AGO3: variants seen among roughly 807,000 people sequenced by gnomAD.
The protein encoded by AGO3 is protein argonaute-3.
AGO3 carries 16 observed loss-of-function variants against 105.5 expected under a neutral mutation model. That is an observed-to-expected ratio of 0.15 (90% confidence interval 0.10 to 0.23). The LOEUF (loss-of-function observed/expected upper bound fraction) is 0.23, where lower values mean the gene tolerates loss of function less well. AGO3 is among the 10% of genes least tolerant of loss of function. AGO3 has a pLI of 1.00. For missense variants in AGO3, 534 were observed against 1,088.0 expected (o/e 0.49, Z 7.16); for synonymous variants, 340 against 367.3 (o/e 0.93, Z 0.85).
At chr1:36,020,297 A>G (rs182400772) in intron 11 of AGO3, among the ~76,000 whole-genome samples, 7 of 152,328 alleles carry the variant, frequency 4.6e-5, no homozygotes, top group Admixed American at 4.6e-4. Flanking sequence ...GACCTGGACC[A>G]TGGAGTTCAT....
intron 9 of AGO3, among the ~76,000 whole-genome samples, chr1:36,011,741 A>G (rs1640623034): frequency 6.6e-6 from 1 of 152,224 alleles, no homozygotes; most frequent in African/African-American, 2.4e-5. Flanking sequence ...CTAGAATCAG[A>G]ATATACATGG....
In AGO3 at chr1:35,976,482, AT is replaced by A. The variant is rs60171281; in HGVS notation, c.658+2979del. Reference sequence around the variant, plus strand: ...CTTCCTTTGGATTTTTATACCTCTAATTTTTTTTATCAGATTATATAGACTA... The same window carrying A: ...CTTCCTTTGGATTTTTATACCTCTAATTTTTTTATCAGATTATATAGACTA... On this transcript the variant is annotated intron_variant, in intron 5 of 18. Transcript: ENST00000373191. 8.2e-3 allele frequency among the ~76,000 whole-genome samples: 1,249 copies of A among 151,966 alleles called. 15 individuals are homozygous for A. Among genetic ancestry groups the A allele is most frequent in the African/African-American group, 0.028 (1,163 of 41,442 alleles).
chr1:36,054,955 C>A lies in AGO3; in HGVS notation c.2284C>A (p.Arg762Ser). 6.2e-7 allele frequency: 1 copy of A among 1,613,938 alleles called. No individual in the cohort carries two copies. Among genetic ancestry groups the A allele is most frequent in the South Asian group, 1.1e-5 (1 of 91,040 alleles). The change falls in exon 18 of 19, where the codon CGT (arginine) becomes AGT (serine). Residue 762 changes from arginine to serine, a missense_variant. By Grantham distance (110) the Arg-to-Ser change is moderately radical. Coordinates refer to ENST00000373191, the MANE Select transcript of AGO3 (RefSeq NM_024852.4). ...CSHAGIQGTS[R>S]PSHYHVLWDD... ...ATTGCCTTCTCTATAGGGTACCAGT[C>A]GTCCTTCACACTATCATGTTTTATG...
rs540466812 is a variant in AGO3 at position 35,968,904 on chromosome 1, T to G, written c.312+1829T>G. 6.1e-3 allele frequency among the ~76,000 whole-genome samples: 782 copies of G among 128,974 alleles called. 6 individuals are homozygous for G. Among genetic ancestry groups the G allele is most frequent in the African/African-American group, 0.02 (728 of 36,108 alleles). The allele number at this position is 128,974 out of a possible 152,430, so 84.6% of individuals were successfully genotyped here. The stretch of plus-strand genomic sequence containing the variant: ...ATGCCAACACTTGTTTTCTGTTTTG[T>G]TTTTTTTTTTGTTCGTTTTCTAATA... On this transcript the variant is annotated intron_variant, in intron 3 of 18. Transcript: ENST00000373191.
intron 2 of AGO3, 24 bp downstream of exon 2, chr1:35,945,887 A>G (rs746930765): frequency 1.9e-6 from 3 of 1,588,730 alleles, no homozygotes; most frequent in Non-Finnish European, 2.6e-6. Flanking sequence ...AACTGCAAAG[A>G]TCTTTTGCTA....
chr1:35,979,318 C>T (rs1489445569), intron 5 of AGO3, among the ~76,000 whole-genome samples: 3 of 151,878 alleles, frequency 2.0e-5, no homozygotes, highest in Admixed American at 2.0e-4. Context: ...GAGCCGAGAT[C>T]GCGCCGCTGC....
At chr1:36,012,649 C>T (rs1640676076) in intron 9 of AGO3, among the ~76,000 whole-genome samples, 1 of 152,020 alleles carries the variant, frequency 6.6e-6, no homozygotes, top group Admixed American at 6.6e-5. Flanking sequence ...CTATCAAACT[C>T]TACACAAAAT....
rs1299727252 is a variant in AGO3 at position 36,055,799 on chromosome 1, A to G, written c.*54A>G. The G allele has an allele frequency of 1.2e-5, 18 of 1,555,420 alleles. 1 individual carries two copies. In the Admixed American group the frequency reaches 2.9e-4, roughly 25 times the overall value. On this transcript the variant is annotated 3_prime_UTR_variant, in exon 19 of 19. Transcript: ENST00000373191. The surrounding 1 kb of genome is among the most constrained non-coding windows in gnomAD (Gnocchi z 4.4). ...GTACTGAAAGATGAATTGACATACA[A>G]CGTATGTTTCCAGTGAAGTCAATTG...
chr1:36,068,897 G>A lies in AGO3; in HGVS notation c.*13152G>A, dbSNP rs1643127696. ...TTCTTTAATGGAGGAACTTTTGAAAGATCACAAATGGAAAAAGCCTATTGA... is the reference window on the plus strand; with the variant it reads ...TTCTTTAATGGAGGAACTTTTGAAAAATCACAAATGGAAAAAGCCTATTGA... On this transcript the variant is annotated 3_prime_UTR_variant, in exon 19 of 19. Coordinates refer to ENST00000373191, the MANE Select transcript of AGO3 (RefSeq NM_024852.4). The A allele has an allele frequency of 6.6e-6, 1 of 152,172 alleles. No homozygotes were observed. The highest frequency in any genetic ancestry group is 2.1e-4 in the South Asian group (1 of 4,824). 9.4% of individuals were successfully genotyped at this position (152,172 alleles called of 1,614,324 possible).
chr1:36,009,114 A>G (rs1461601170), intron 8 of AGO3, 70 bp downstream of exon 8: 2 of 1,374,812 alleles, frequency 1.5e-6, no homozygotes, highest in South Asian at 3.1e-5. Flanking sequence ...ATGGCCGATA[A>G]CTTACCTCAT....
At chr1:35,960,186 A>G (rs894747025) in intron 2 of AGO3, among the ~76,000 whole-genome samples, 17 of 152,182 alleles carry the variant, frequency 1.1e-4, no homozygotes, top group African/African-American at 3.9e-4. Flanking sequence ...TTAGGAAACT[A>G]GATAAATTAC....
chr1:36,021,862 T>C (rs1203585731), intron 11 of AGO3, among the ~76,000 whole-genome samples: 1 of 152,120 alleles, frequency 6.6e-6, no homozygotes, highest in Non-Finnish European at 1.5e-5. Context: ...ATACAGAATC[T>C]ATCTCTCCTT....
intron 5 of AGO3, among the ~76,000 whole-genome samples, chr1:35,993,833 C>CAG (rs1194254488): frequency 6.8e-6 from 1 of 147,800 alleles, no homozygotes; most frequent in African/African-American, 2.5e-5. Flanking sequence ...CTGCAACCTC[C>CAG]ACCTCTCAGG....
At position 36,055,880 on chromosome 1, in the gene AGO3, A is replaced by C. The variant is rs1294191242; in HGVS notation, c.*135A>C. 1.4e-5 allele frequency: 10 copies of C among 706,062 alleles called. No individual in the cohort carries two copies. The highest frequency in any genetic ancestry group is 2.3e-5 in the Non-Finnish European group (10 of 426,680). The allele number at this position is 706,062 out of a possible 1,614,324, so 43.7% of individuals were successfully genotyped here. On this transcript the variant is annotated 3_prime_UTR_variant, in exon 19 of 19. Coordinates refer to ENST00000373191, the MANE Select transcript of AGO3 (RefSeq NM_024852.4). This position sits in a 1 kb window ranked among gnomAD's most constrained non-coding sequence, Gnocchi z 4.4. ...AACACTGTGTGGGGGCCAAGGTCTG[A>C]TCCTTATGTTAATACAAGGAAGATT...
intron 5 of AGO3, among the ~76,000 whole-genome samples, chr1:35,991,486 A>T (rs1164185728): frequency 7.3e-5 from 11 of 150,414 alleles, no homozygotes; most frequent in South Asian, 2.1e-4. Flanking sequence ...ATTTCTTTTT[A>T]AAAAATTTTC....
chr1:35,962,558 GAGAA>G (rs1219100337), intron 2 of AGO3, among the ~76,000 whole-genome samples: 6 of 148,924 alleles, frequency 4.0e-5, no homozygotes, highest in African/African-American at 7.4e-5. Flanking sequence ...AAAAAAAAAA[GAGAA>G]AGAAAGAAAA....
chr1:36,039,492 C>CAAAAAAAA (rs1048314282), intron 14 of AGO3, among the ~76,000 whole-genome samples: 1 of 55,640 alleles, frequency 1.8e-5, no homozygotes, highest in Non-Finnish European at 4.6e-5. Flanking sequence ...GACTGCGTCT[C>CAAAAAAAA]AAAAAAAAAA....
At chr1:36,022,403 T>C (rs1242122734) in intron 11 of AGO3, among the ~76,000 whole-genome samples, 1 of 152,188 alleles carries the variant, frequency 6.6e-6, no homozygotes, top group Admixed American at 6.6e-5. Context: ...ATTATTCATT[T>C]TGAATGTTCT....
rs994238001 is a variant in AGO3, at chr1:36,071,596, C to G, written c.*15851C>G. Reference sequence around the variant, plus strand: ...AAACCTCCCTCCTCATCTTCCCTTCCCCTCTGTCTTATGCCTGGCCTGGCC... The same window carrying G: ...AAACCTCCCTCCTCATCTTCCCTTCGCCTCTGTCTTATGCCTGGCCTGGCC... On this transcript the variant is annotated 3_prime_UTR_variant, in exon 19 of 19. Transcript: ENST00000373191. 2 of 152,146 alleles carry G rather than the reference C, an allele frequency of 1.3e-5. No homozygotes were observed. Among genetic ancestry groups the G allele is most frequent in the African/African-American group, 4.8e-5 (2 of 41,430 alleles). 9.4% of individuals were successfully genotyped at this position (152,146 alleles called of 1,614,324 possible). A position where few individuals can be genotyped will look rare whatever the true frequency, so the allele number is the denominator to read the frequency against.
Sources: allele counts gnomAD v4.1 joint callset (sites outside exome capture counted in the v4.1 genomes callset), GRCh38; gene constraint gnomAD v4.1.1; non-coding constraint Gnocchi (gnomAD v3.1); transcripts MANE v1.5; gene names NCBI Gene and HGNC (gene_info 2026-07-23, HGNC 2026-07-21).